IL1RAP: variants seen among roughly 807,000 people sequenced by gnomAD.
IL1RAP encodes the protein interleukin-1 receptor accessory protein.
Under a neutral mutation model 60.7 loss-of-function variants are expected in IL1RAP, and 35 were observed. The ratio of observed to expected loss-of-function variants is 0.58; its 90% CI spans 0.44 to 0.76. The LOEUF (loss-of-function observed/expected upper bound fraction) is 0.76, where lower values mean the gene tolerates loss of function less well. IL1RAP is among the 30% of genes least tolerant of loss of function. The pLI is 0.00. For missense variants in IL1RAP, 572 were observed against 693.9 expected, an observed-to-expected ratio of 0.82 and a Z score of 1.97; for synonymous variants, 268 against 250.9, an observed-to-expected ratio of 1.07 and a Z score of -0.64.
At chr3:190,581,008 A>T (rs919270192) in intron 3 of IL1RAP, among the ~76,000 whole-genome samples, 1 of 152,182 alleles carries the variant, frequency 6.6e-6, no homozygotes, top group Non-Finnish European at 1.5e-5. Flanking sequence ...TTAAAAAAGA[A>T]ACAGCAGAAG....
chr3:190,564,778 T>C lies in IL1RAP; in HGVS notation c.64+425T>C, dbSNP rs78016002. The C allele has an allele frequency of 6.1e-3, 1,129 of 185,946 alleles. 5 individuals carry two copies. Among genetic ancestry groups the C allele is most frequent in the Non-Finnish European group, 8.7e-3 (754 of 86,528 alleles). The allele number at this position is 185,946 out of a possible 1,614,324, so 11.5% of individuals were successfully genotyped here. A position where few individuals can be genotyped will look rare whatever the true frequency, so the allele number is the denominator to read the frequency against. The stretch of plus-strand genomic sequence containing the variant: ...TAAATAAAATAATGAGTTTTTGTCA[T>C]ATTGTTTCTATATAGGAAAAAGAAA... On this transcript the variant is annotated intron_variant, in intron 3 of 11. Transcript: ENST00000447382.
chr3:190,633,443 A>G (rs1312960415), intron 9 of IL1RAP, among the ~76,000 whole-genome samples: 1 of 151,870 alleles, frequency 6.6e-6, no homozygotes, highest in East Asian at 1.9e-4. Context: ...TGCAATCTCC[A>G]CCTCCTGAGT....
At chr3:190,620,017 T>C (rs912633262) in intron 5 of IL1RAP, among the ~76,000 whole-genome samples, 1 of 152,204 alleles carries the variant, frequency 6.6e-6, no homozygotes, top group Non-Finnish European at 1.5e-5. Context: ...AATTTGATCC[T>C]GAGACAGGAA....
chr3:190,550,835 CAT>C (rs1207906094), intron 1 of IL1RAP, among the ~76,000 whole-genome samples: 1 of 152,212 alleles, frequency 6.6e-6, no homozygotes, highest in East Asian at 1.9e-4. Flanking sequence ...AGTTTTCAAG[CAT>C]AGTTTCTCTC....
In IL1RAP at chr3:190,576,461, T is replaced by C. The variant is rs150156064; in HGVS notation, c.64+12108T>C. ...AGCAGTTCAGGCAGTCAAAAACAGATCAACACAAATTGATCAGTCTAAAAA... is the reference window on the plus strand; with the variant it reads ...AGCAGTTCAGGCAGTCAAAAACAGACCAACACAAATTGATCAGTCTAAAAA... On this transcript the variant is annotated intron_variant, in intron 3 of 11. Transcript: ENST00000447382. Among the ~76,000 whole-genome samples the C allele has an allele frequency of 1.7e-3, 255 of 152,102 alleles. 3 individuals carry two copies. The highest frequency in any genetic ancestry group is 5.9e-3 in the African/African-American group (243 of 41,468).
rs150231780 is a variant in IL1RAP at position 190,620,398 on chromosome 3, C to T, written c.661C>T (p.Arg221Cys). The change falls in exon 6 of 12, where the codon CGT (arginine) becomes TGT (cysteine). Residue 221 changes from arginine (R) to cysteine (C), a missense_variant. Physicochemically the swap from Arg to Cys is radical, Grantham distance 180. Transcript: ENST00000447382. The part of the protein sequence containing the change: ...TCVVTYPENG[R>C]TFHLTRTLTV... The stretch of plus-strand genomic sequence containing the variant: ...TGTTGTTACATATCCAGAAAATGGA[C>T]GTACGTTTCATCTCACCAGGACTCT... The T allele has an allele frequency of 1.4e-5, 22 of 1,612,254 alleles. No homozygotes were observed. The highest frequency in any genetic ancestry group is 2.2e-5 in the East Asian group (1 of 44,808).
At chr3:190,641,165 A>C (rs1042302745) in intron 9 of IL1RAP, among the ~76,000 whole-genome samples, 22 of 152,122 alleles carry the variant, frequency 1.4e-4, no homozygotes, top group Admixed American at 1.3e-3. Context: ...GGGTTTCTCC[A>C]TGTTGGTCAG....
At chr3:190,581,982 T>TA (rs1246025544) in intron 3 of IL1RAP, among the ~76,000 whole-genome samples, 1 of 152,006 alleles carries the variant, frequency 6.6e-6, no homozygotes, top group African/African-American at 2.4e-5. Context: ...AGTTAGGTTC[T>TA]AAAAAAAATA....
At chr3:190,557,261 A>G (rs1416556239) in intron 2 of IL1RAP, among the ~76,000 whole-genome samples, 1 of 152,150 alleles carries the variant, frequency 6.6e-6, no homozygotes, top group Non-Finnish European at 1.5e-5. Context: ...CACTCACTGA[A>G]AACCCAGTTC....
At chr3:190,617,316 T>A (rs1213498463) in intron 5 of IL1RAP, among the ~76,000 whole-genome samples, 1 of 152,200 alleles carries the variant, frequency 6.6e-6, no homozygotes, top group African/African-American at 2.4e-5. Context: ...TTGTTCTTAC[T>A]TCATCATGAC....
intron 1 of IL1RAP, among the ~76,000 whole-genome samples, chr3:190,516,650 C>G (rs1420103155): frequency 6.6e-6 from 1 of 152,096 alleles, no homozygotes; most frequent in African/African-American, 2.4e-5. Flanking sequence ...CAAATTCCAG[C>G]TCTCATGCCT....
chr3:190,523,493 T>C (rs1722256680), intron 1 of IL1RAP, among the ~76,000 whole-genome samples: 1 of 152,112 alleles, frequency 6.6e-6, no homozygotes. Context: ...CACCCATTAG[T>C]AATTTTTCCT....
intron 9 of IL1RAP, among the ~76,000 whole-genome samples, chr3:190,634,358 G>A (rs1400281774): frequency 1.4e-5 from 2 of 147,806 alleles, no homozygotes; most frequent in East Asian, 2.0e-4. Context: ...GCGCGATCTC[G>A]GCTCAGTGCA....
At chr3:190,621,533 A>G (rs1484409416) in intron 6 of IL1RAP, among the ~76,000 whole-genome samples, 1 of 152,180 alleles carries the variant, frequency 6.6e-6, no homozygotes, top group African/African-American at 2.4e-5. Flanking sequence ...ATTTTGGGGA[A>G]GTTGGGAATA....
At chr3:190,541,421 T>TC (rs546937179) in intron 1 of IL1RAP, among the ~76,000 whole-genome samples, 8 of 152,154 alleles carry the variant, frequency 5.3e-5, no homozygotes, top group Non-Finnish European at 1.5e-5. Context: ...GAATTATGCT[T>TC]CTTAGTTTTA....
intron 1 of IL1RAP, among the ~76,000 whole-genome samples, chr3:190,526,847 A>G (rs1449519807): frequency 2.0e-5 from 3 of 152,250 alleles, no homozygotes; most frequent in Admixed American, 6.5e-5. Context: ...CAAAGATTCA[A>G]TCATATAATC....
chr3:190,522,079 T>C (rs1268246255), intron 1 of IL1RAP, among the ~76,000 whole-genome samples: 2 of 152,116 alleles, frequency 1.3e-5, no homozygotes, highest in African/African-American at 2.4e-5. Flanking sequence ...ACACACTAAG[T>C]AGCACTTTTC....
At chr3:190,646,744 G>GT (rs144520622) in intron 11 of IL1RAP, among the ~76,000 whole-genome samples, 6,906 of 151,438 alleles carry the variant, frequency 0.046, 186 homozygotes, top group African/African-American at 0.074. Context: ...TCATTTAACA[G>GT]TTTTTTTTTA....
intron 6 of IL1RAP, 91 bp downstream of exon 6, chr3:190,620,531 G>A: frequency 1.8e-6 from 2 of 1,135,078 alleles, no homozygotes; most frequent in South Asian, 3.0e-5. Context: ...TATGTAAATT[G>A]TATAAGAAAA....
Sources: allele counts gnomAD v4.1 joint callset (sites outside exome capture counted in the v4.1 genomes callset), GRCh38; gene constraint gnomAD v4.1.1; transcripts MANE v1.5; gene names NCBI Gene and HGNC (gene_info 2026-07-23, HGNC 2026-07-21).